RYR2: variants seen among roughly 807,000 people sequenced by gnomAD.
RYR2 encodes cardiac muscle ryanodine receptor-calcium release channel.
In RYR2, 227 loss-of-function variants were observed where a neutral mutation model predicts 601.1. The observed-to-expected ratio is 0.38, with a 90% CI of 0.34 to 0.42. The LOEUF (loss-of-function observed/expected upper bound fraction) is 0.42, where lower values mean the gene tolerates loss of function less well. Ranked by LOEUF, RYR2 falls within the 10% of genes least tolerant of loss-of-function variation. The pLI is 1.00. For missense variants in RYR2, 4,646 were observed against 6,156.5 expected, an observed-to-expected ratio of 0.75 and a Z score of 8.21; for synonymous variants, 2,223 against 2,175.1, an observed-to-expected ratio of 1.02 and a Z score of -0.61.
At chr1:237,456,574 G>GA (rs1658844201) in intron 15 of RYR2, 26 bp from the exon 16 acceptor site, 1 of 1,271,150 alleles carries the variant, frequency 7.9e-7, no homozygotes, top group Non-Finnish European at 1.0e-6. Context: ...GTCTGATTGT[G>GA]ATTTTTTTTT....
At chr1:237,668,141 T>C (rs1684487353) in intron 58 of RYR2, among the ~76,000 whole-genome samples, 183 bp downstream of exon 58, 1 of 152,222 alleles carries the variant, frequency 6.6e-6, no homozygotes, top group South Asian at 2.1e-4. Flanking sequence ...ATATATTTTC[T>C]TGTGTCTCAG....
intron 27 of RYR2, among the ~76,000 whole-genome samples, chr1:237,558,675 A>T (rs1671152006): frequency 6.6e-6 from 1 of 152,084 alleles, no homozygotes; most frequent in South Asian, 2.1e-4. Flanking sequence ...GCTTCTGGCC[A>T]TTATTTATTC....
intron 39 of RYR2, among the ~76,000 whole-genome samples, chr1:237,624,899 C>T (rs904801993): frequency 1.3e-5 from 2 of 152,000 alleles, no homozygotes; most frequent in African/African-American, 4.8e-5. Context: ...AAAAACACCA[C>T]TTTGCATATT....
intron 4 of RYR2, among the ~76,000 whole-genome samples, chr1:237,364,055 T>G (rs1293632234): frequency 6.6e-6 from 1 of 152,154 alleles, no homozygotes; most frequent in Non-Finnish European, 1.5e-5. Context: ...AGATGATACC[T>G]TTTTTGGTGC....
chr1:237,784,638 T>C lies in RYR2; in HGVS notation c.12926T>C (p.Ile4309Thr). The C allele has an allele frequency of 1.2e-6, 2 of 1,613,660 alleles. No homozygotes were observed. Residue 4309 changes from isoleucine to threonine, a missense_variant, in exon 90 of 105, where the codon ATT (isoleucine) becomes ACT (threonine). Transcript: ENST00000366574. The surrounding 1 kb of genome is among the most constrained non-coding windows in gnomAD (Gnocchi z 7.1). ...ASVFRGFFRI[I>T]CSLLLGGSLV... The stretch of plus-strand genomic sequence containing the variant: ...GTTTTCAGAGGCTTTTTCCGCATCA[T>C]TTGCAGCCTGCTGCTTGGGGGAAGC...
At chr1:237,186,358 G>C (rs1301851981) in intron 1 of RYR2, among the ~76,000 whole-genome samples, 1 of 152,026 alleles carries the variant, frequency 6.6e-6, no homozygotes, top group South Asian at 2.1e-4. Flanking sequence ...AACAAGTATC[G>C]TACTAAGGTC....
intron 36 of RYR2, among the ~76,000 whole-genome samples, chr1:237,612,386 TATTAA>T (rs1357117239): frequency 2.6e-5 from 4 of 152,180 alleles, no homozygotes; most frequent in Admixed American, 1.3e-4. Flanking sequence ...ATACATAAAC[TATTAA>T]ATTATGTATT....
chr1:237,602,288 T>TAA, intron 35 of RYR2, among the ~76,000 whole-genome samples, 177 bp downstream of exon 35: 1 of 152,018 alleles, frequency 6.6e-6, no homozygotes, highest in East Asian at 1.9e-4. Context: ...ACAAAATAAT[T>TAA]AAAAAGTGTT....
chr1:237,058,408 A>G (rs1182018320), intron 1 of RYR2, among the ~76,000 whole-genome samples: 2 of 152,200 alleles, frequency 1.3e-5, no homozygotes, highest in Non-Finnish European at 2.9e-5. Flanking sequence ...TATGCTGTAC[A>G]TATAATTTGT....
At chr1:237,575,748 T>C (rs1673158945) in intron 29 of RYR2, among the ~76,000 whole-genome samples, 2 of 152,208 alleles carry the variant, frequency 1.3e-5, no homozygotes, top group Admixed American at 1.3e-4. Flanking sequence ...CCACAACTTA[T>C]TGCTGTGCTA....
intron 37 of RYR2, among the ~76,000 whole-genome samples, chr1:237,615,147 C>A (rs1208604298): frequency 6.6e-6 from 1 of 152,092 alleles, no homozygotes; most frequent in Non-Finnish European, 1.5e-5. Context: ...CCAGTAGATG[C>A]ACCCATTGTC....
intron 1 of RYR2, among the ~76,000 whole-genome samples, chr1:237,267,263 A>G (rs956579111): frequency 6.6e-6 from 1 of 152,206 alleles, no homozygotes; most frequent in African/African-American, 2.4e-5. Context: ...CCACGCCTGT[A>G]ATCCTGGCGC....
chr1:237,136,371 C>T (rs760535008), intron 1 of RYR2, among the ~76,000 whole-genome samples: 1 of 152,046 alleles, frequency 6.6e-6, no homozygotes, highest in African/African-American at 2.4e-5. Flanking sequence ...ACTTTTTTCC[C>T]GTAGTTACCT....
chr1:237,211,232 G>A (rs773034769), intron 1 of RYR2, among the ~76,000 whole-genome samples: 4 of 152,166 alleles, frequency 2.6e-5, no homozygotes, highest in Non-Finnish European at 4.4e-5. Context: ...TTCAAGTACA[G>A]CCCCATTCCA....
At chr1:237,112,107 C>T (rs886709593) in intron 1 of RYR2, among the ~76,000 whole-genome samples, 7 of 152,022 alleles carry the variant, frequency 4.6e-5, no homozygotes, top group Non-Finnish European at 1.0e-4. Flanking sequence ...TTTGCTACTT[C>T]CCCTACTCTT....
intron 48 of RYR2, among the ~76,000 whole-genome samples, chr1:237,648,181 C>G (rs1239377271): frequency 6.6e-6 from 1 of 152,148 alleles, no homozygotes; most frequent in Non-Finnish European, 1.5e-5. Context: ...TTTGTTTCTC[C>G]TAAGTATCTA....
rs150656390 is a variant in RYR2, at chr1:237,500,385, A to C, written c.2204-326A>C. On this transcript the variant is annotated intron_variant, in intron 20 of 104. Transcript: ENST00000366574. ...AGTAGATGGTAAGGTAGCTATTTGA[A>C]GTCCCTGGAGATGTTCCTTTGACAT... 5.3e-3 allele frequency among the ~76,000 whole-genome samples: 814 copies of C among 152,264 alleles called. 15 individuals carry two copies. The highest frequency in any genetic ancestry group is 0.03 in the Admixed American group (466 of 15,290).
chr1:237,189,051 C>T (rs1679678150), intron 1 of RYR2, among the ~76,000 whole-genome samples: 1 of 152,112 alleles, frequency 6.6e-6, no homozygotes, highest in African/African-American at 2.4e-5. Flanking sequence ...CCTTCCTCCC[C>T]CGTCCTCCTC....
intron 104 of RYR2, among the ~76,000 whole-genome samples, chr1:237,831,799 C>T (rs775219135): frequency 6.6e-6 from 1 of 152,132 alleles, no homozygotes; most frequent in Non-Finnish European, 1.5e-5. Context: ...ACTGAAAATG[C>T]TGGATTTGAG....
Sources: allele counts gnomAD v4.1 joint callset (sites outside exome capture counted in the v4.1 genomes callset), GRCh38; gene constraint gnomAD v4.1.1; non-coding constraint Gnocchi (gnomAD v3.1); transcripts MANE v1.5; gene names NCBI Gene and HGNC (gene_info 2026-07-23, HGNC 2026-07-21).